Variants in SYNE2 observed in about 807,000 individuals in gnomAD.
SYNE2 encodes the protein spectrin repeat containing nuclear envelope protein 2, also known as nesprin-2.
In SYNE2, 431 loss-of-function variants were observed where a neutral mutation model predicts 856.3. That is an observed-to-expected ratio of 0.50 (90% confidence interval 0.47 to 0.55). The LOEUF (loss-of-function observed/expected upper bound fraction) is 0.55, where lower values mean the gene tolerates loss of function less well. Ranked by LOEUF, SYNE2 falls within the 20% of genes least tolerant of loss-of-function variation. The probability of loss-of-function intolerance (pLI) is 0.00; values close to 1 mark genes in which losing one functional copy is unlikely to be tolerated. For synonymous variants in SYNE2, 2,923 were observed against 2,872.3 expected, an observed-to-expected ratio of 1.02 and a Z score of -0.56; for missense variants, 8,129 against 8,023.2, an observed-to-expected ratio of 1.01 and a Z score of -0.50.
chr14:63,934,248 TG>T (rs1369522332), intron 2 of SYNE2, among the ~76,000 whole-genome samples: 1 of 152,214 alleles, frequency 6.6e-6, no homozygotes, highest in Non-Finnish European at 1.5e-5. Flanking sequence ...AGAATACCTG[TG>T]GGGATTTGTT....
At position 64,167,216 on chromosome 14, in the gene SYNE2, C is replaced by A; in HGVS notation, c.16606-17C>A. ...TATTGGCATCCAAAAACCTGTACTT[C>A]AATTTTTTAAAAATAGAATCATGTG... On this transcript the variant is annotated splice_polypyrimidine_tract_variant and intron_variant, in intron 90 of 115. Transcript: ENST00000555002. 1.2e-6 allele frequency: 2 copies of A among 1,613,940 alleles called. No homozygotes were observed. Among genetic ancestry groups the A allele is most frequent in the South Asian group, 1.1e-5 (1 of 91,058 alleles).
At position 63,922,476 on chromosome 14, in the gene SYNE2, C is replaced by T. The variant is rs183924582; in HGVS notation, c.79+13249C>T. On this transcript the variant is annotated intron_variant, in intron 2 of 115. Transcript: ENST00000555002. ...CCCGGGCCTGACTTGCTTCAGCAAG[C>T]CGTCTGAGCCCCTCCAAGTGTTTCT... Among the ~76,000 whole-genome samples the T allele has an allele frequency of 1.6e-4, 24 of 152,262 alleles. No homozygotes were observed. The East Asian group carries it at 3.7e-3, about 23-fold the overall frequency.
chr14:64,151,071 G>A (rs2098237412), intron 84 of SYNE2, among the ~76,000 whole-genome samples: 1 of 152,110 alleles, frequency 6.6e-6, no homozygotes, highest in Admixed American at 6.5e-5. Flanking sequence ...GTCATACAGT[G>A]GAAGATTCCT....
At chr14:63,802,903 C>T (rs970788657) in intron 1 of SYNE2, among the ~76,000 whole-genome samples, 5 of 152,080 alleles carry the variant, frequency 3.3e-5, no homozygotes, top group African/African-American at 4.8e-5. Flanking sequence ...TGCAGATCTT[C>T]GCGGTGAGTG....
intron 57 of SYNE2, among the ~76,000 whole-genome samples, chr14:64,083,285 C>G (rs926504045): frequency 6.6e-6 from 1 of 151,742 alleles, no homozygotes. Flanking sequence ...TCCACATCCC[C>G]AAAGTTTGTC....
intron 1 of SYNE2, among the ~76,000 whole-genome samples, chr14:63,842,022 G>A (rs1475995878): frequency 6.6e-6 from 1 of 151,670 alleles, no homozygotes; most frequent in East Asian, 1.9e-4. Context: ...TTTTGGTAGA[G>A]ACAGGGTTTC....
In SYNE2 at chr14:64,126,576, TCTTC is replaced by T. The variant is rs1442853923; in HGVS notation, c.13708-15_13708-12del. The stretch of plus-strand genomic sequence containing the variant: ...TCTTGAGGTCAGAGCTCATTCATTG[TCTTC>T]CTTCCTCTCCACTCCAGACGCTGGC... On this transcript the variant is annotated intron_variant, in intron 72 of 115. Transcript: ENST00000555002. The T allele has an allele frequency of 2.5e-6, 4 of 1,614,100 alleles. No individual in the cohort carries two copies. The highest frequency in any genetic ancestry group is 2.2e-5 in the South Asian group (2 of 91,090).
chr14:64,106,138 C>A (rs1023601134), intron 64 of SYNE2, among the ~76,000 whole-genome samples: 37 of 148,606 alleles, frequency 2.5e-4, no homozygotes, highest in East Asian at 8.0e-4. Flanking sequence ...CCAGACCCCC[C>A]CCCCCAACCA....
intron 61 of SYNE2, among the ~76,000 whole-genome samples, chr14:64,096,894 C>A (rs117011000): frequency 6.6e-6 from 1 of 152,252 alleles, no homozygotes; most frequent in Admixed American, 6.5e-5. Context: ...GAAGACATAA[C>A]AAGGAAAGAA....
At chr14:64,175,475 C>G (rs1016397621) in intron 95 of SYNE2, among the ~76,000 whole-genome samples, 2 of 152,164 alleles carry the variant, frequency 1.3e-5, no homozygotes, top group African/African-American at 4.8e-5. Flanking sequence ...AGAGAATGCA[C>G]TTTTCCATAT....
At chr14:64,113,652 C>A in intron 66 of SYNE2, 81 bp downstream of exon 66, 3 of 1,416,148 alleles carry the variant, frequency 2.1e-6, no homozygotes, top group Non-Finnish European at 1.9e-6. Flanking sequence ...CTTAAAGCAA[C>A]ACTGTTTTTC....
intron 1 of SYNE2, among the ~76,000 whole-genome samples, chr14:63,783,498 C>T (rs998065169): frequency 1.3e-5 from 2 of 152,168 alleles, no homozygotes; most frequent in Admixed American, 1.3e-4. Flanking sequence ...CTGCCTCAGC[C>T]TCCTGAGTAG....
rs566675249 is a variant in SYNE2 at position 63,925,423 on chromosome 14, A to C, written c.80-15191A>C. The stretch of plus-strand genomic sequence containing the variant: ...GTTGTATATATTTATGAGTTACATG[A>C]GATATTTTGAGATAGACATGCAATG... On this transcript the variant is annotated intron_variant, in intron 2 of 115. Transcript: ENST00000555002. Among the ~76,000 whole-genome samples, 53 of 152,164 alleles carry C rather than the reference A, an allele frequency of 3.5e-4. 1 individual carries two copies. The highest frequency in any genetic ancestry group is 7.3e-4 in the Non-Finnish European group (50 of 68,030).
chr14:64,056,279 C>G lies in SYNE2; in HGVS notation c.10067+13C>G. 6.2e-7 allele frequency: 1 copy of G among 1,605,588 alleles called. No individual in the cohort carries two copies. Among genetic ancestry groups the G allele is most frequent in the Non-Finnish European group, 8.5e-7 (1 of 1,172,880 alleles). On this transcript the variant is annotated intron_variant, in intron 49 of 115. Transcript: ENST00000555002. ...CTGAGGCAGAAAGGTAGGTCCTCTT[C>G]CAAAGGTAATCTTTAAGAACATAAA... is the stretch of plus-strand genomic sequence containing the variant.
At chr14:64,132,528 C>T in intron 77 of SYNE2, 90 bp downstream of exon 77, 2 of 1,510,448 alleles carry the variant, frequency 1.3e-6, no homozygotes, top group South Asian at 2.3e-5. Flanking sequence ...ATCTAGTTAT[C>T]ATTAAGCTAT....
rs1271177997 is a variant in SYNE2, at chr14:64,053,200, G to A, written c.9287G>A (p.Cys3096Tyr). ...AGTCAGAGAATTGAGAAAGCCAAGT[G>A]TTTATGTGATGAGATAATAAAGAAA... is the stretch of plus-strand genomic sequence containing the variant. ...ILSQRIEKAK[C>Y]LCDEIIKKLN... The change falls in exon 48 of 116, where the codon TGT (cysteine) becomes TAT (tyrosine). Residue 3096 changes from cysteine (C) to tyrosine (Y), a missense_variant. Cys to Tyr is a radical substitution (Grantham distance 194). Coordinates refer to ENST00000555002, the MANE Select transcript of SYNE2 (RefSeq NM_182914.3). 1 of 1,613,862 alleles carries A rather than the reference G, an allele frequency of 6.2e-7. No individual in the cohort carries two copies. Among genetic ancestry groups the A allele is most frequent in the Admixed American group, 1.7e-5 (1 of 60,002 alleles).
At chr14:63,895,863 G>A (rs560186239) in intron 1 of SYNE2, among the ~76,000 whole-genome samples, 80 of 150,116 alleles carry the variant, frequency 5.3e-4, no homozygotes, top group Non-Finnish European at 8.8e-4. Flanking sequence ...ATTTCAACAT[G>A]CTACATACTA....
In SYNE2 at chr14:64,002,704, C is replaced by T. The variant is rs2096764796; in HGVS notation, c.3787-16C>T. Reference sequence around the variant, plus strand: ...TTTCCACCTCAGTGTTTTAGCTTTTCTTATCTTTATTTTAGAATATCCAAG... The same window carrying T: ...TTTCCACCTCAGTGTTTTAGCTTTTTTTATCTTTATTTTAGAATATCCAAG... On this transcript the variant is annotated splice_polypyrimidine_tract_variant and intron_variant, in intron 29 of 115. Coordinates refer to ENST00000555002, the MANE Select transcript of SYNE2 (RefSeq NM_182914.3). 1.2e-6 allele frequency: 2 copies of T among 1,610,236 alleles called. No individual in the cohort carries two copies. Among genetic ancestry groups the T allele is most frequent in the East Asian group, 2.2e-5 (1 of 44,860 alleles).
chr14:63,839,930 G>A (rs1447019332), intron 1 of SYNE2, among the ~76,000 whole-genome samples: 15 of 152,084 alleles, frequency 9.9e-5, no homozygotes, highest in Admixed American at 9.8e-4. Flanking sequence ...TTTAGCTTAA[G>A]CTTGCTGAAG....
Sources: allele counts gnomAD v4.1 joint callset (sites outside exome capture counted in the v4.1 genomes callset), GRCh38; gene constraint gnomAD v4.1.1; transcripts MANE v1.5; gene names NCBI Gene and HGNC (gene_info 2026-07-23, HGNC 2026-07-21).